Variants in NGFR observed in about 807,000 individuals in gnomAD.
The protein encoded by NGFR is nerve growth factor receptor.
Under a neutral mutation model 43.2 loss-of-function variants are expected in NGFR, and 30 were observed. The observed-to-expected ratio is 0.69, with a 90% CI of 0.52 to 0.94. The LOEUF (loss-of-function observed/expected upper bound fraction) is 0.94. Ranked by LOEUF, NGFR falls within the 40% of genes least tolerant of loss-of-function variation. NGFR has a pLI of 0.00. For missense variants in NGFR, 529 were observed against 602.5 expected, an observed-to-expected ratio of 0.88 and a Z score of 1.28; for synonymous variants, 246 against 259.6, an observed-to-expected ratio of 0.95 and a Z score of 0.50.
At chr17:49,500,555 G>A (rs950636976) in intron 1 of NGFR, among the ~76,000 whole-genome samples, 1 of 152,170 alleles carries the variant, frequency 6.6e-6, no homozygotes, top group African/African-American at 2.4e-5. Context: ...GGGTGCAACA[G>A]GACCACTTCC....
At chr17:49,497,171 G>T (rs935491928) in intron 1 of NGFR, 2 of 152,296 alleles carry the variant, frequency 1.3e-5, no homozygotes, top group Non-Finnish European at 2.9e-5. Flanking sequence ...AGCAGGGCGG[G>T]GGGGGTTGAC....
At chr17:49,511,523 T>TG (rs1439632590) in intron 4 of NGFR, among the ~76,000 whole-genome samples, 2 of 152,072 alleles carry the variant, frequency 1.3e-5, no homozygotes, top group African/African-American at 2.4e-5. Context: ...ACATTTGTTT[T>TG]TTTTTTTTTT....
chr17:49,501,400 C>T (rs1010900348), intron 1 of NGFR, among the ~76,000 whole-genome samples: 3 of 152,230 alleles, frequency 2.0e-5, no homozygotes, highest in African/African-American at 7.2e-5. Context: ...AGGCTGTTGC[C>T]ATCTCTGTAG....
chr17:49,502,906 T>TTTCCTTTCC (rs1179448207), intron 2 of NGFR, among the ~76,000 whole-genome samples: 1 of 149,756 alleles, frequency 6.7e-6, no homozygotes, highest in Non-Finnish European at 1.5e-5. Context: ...CTTTCCTTTC[T>TTTCCTTTCC]TTCCTTTCCT....
Position 49,513,094 on chromosome 17 carries a change from T to A in NGFR, c.*85T>A. 7.3e-7 allele frequency: 1 copy of A among 1,369,994 alleles called. No individual in the cohort carries two copies. The highest frequency in any genetic ancestry group is 9.6e-7 in the Non-Finnish European group (1 of 1,038,752). The allele number at this position is 1,369,994 out of a possible 1,614,324, so 84.9% of individuals were successfully genotyped here. A position where few individuals can be genotyped will look rare whatever the true frequency, so the allele number is the denominator to read the frequency against. Reference sequence around the variant, plus strand: ...CCTGTGGAGCCCGCACCCCCACCCTTTGGGGGGGGCCCGCCTGGCAGAACT... The same window carrying A: ...CCTGTGGAGCCCGCACCCCCACCCTATGGGGGGGGCCCGCCTGGCAGAACT... On this transcript the variant is annotated 3_prime_UTR_variant, in exon 6 of 6. Transcript: ENST00000172229.
chr17:49,501,872 C>T (rs1236047990), intron 1 of NGFR, among the ~76,000 whole-genome samples, 191 bp from the exon 2 acceptor site: 1 of 152,224 alleles, frequency 6.6e-6, no homozygotes, highest in Non-Finnish European at 1.5e-5. Context: ...CCTGCACGGG[C>T]ACACTGTCCC....
chr17:49,498,711 C>T (rs1381509054), intron 1 of NGFR, among the ~76,000 whole-genome samples: 1 of 152,154 alleles, frequency 6.6e-6, no homozygotes, highest in East Asian at 1.9e-4. Context: ...AGATTACAAG[C>T]GTTCTTAAAA....
At position 49,512,324 on chromosome 17, in the gene NGFR, T is replaced by C. The variant is rs111662608; in HGVS notation, c.982+272T>C. 6.6e-6 allele frequency among the ~76,000 whole-genome samples: 1 copy of C among 152,198 alleles called. No individual in the cohort carries two copies. The highest frequency in any genetic ancestry group is 2.1e-4 in the South Asian group (1 of 4,834). ...GGGGCTAATTATTGCCCAAAGTAGCTGCAATTAGCCTCTTGCCCTGGACTT... is the reference window on the plus strand; with the variant it reads ...GGGGCTAATTATTGCCCAAAGTAGCCGCAATTAGCCTCTTGCCCTGGACTT... On this transcript the variant is annotated intron_variant, in intron 5 of 5. Coordinates refer to ENST00000172229, the MANE Select transcript of NGFR (RefSeq NM_002507.4). This position sits in a 1 kb window ranked among gnomAD's most constrained non-coding sequence, Gnocchi z 5.2.
rs2143455728 is a variant in NGFR, at chr17:49,514,958, C to CT, written c.*1951dup. On this transcript the variant is annotated 3_prime_UTR_variant, in exon 6 of 6. Coordinates refer to ENST00000172229, the MANE Select transcript of NGFR (RefSeq NM_002507.4). ...AATCATTTCTTGGGCCCTCCTGAAA[C>CT]TTACACACAAAACGTTAAGTGATGA... The CT allele has an allele frequency of 6.6e-6, 1 of 152,192 alleles. No individual in the cohort carries two copies. The highest frequency in any genetic ancestry group is 1.9e-4 in the East Asian group (1 of 5,170). 9.4% of individuals were successfully genotyped at this position (152,192 alleles called of 1,614,324 possible). A position where few individuals can be genotyped will look rare whatever the true frequency, so the allele number is the denominator to read the frequency against.
chr17:49,500,388 T>C (rs942033384), intron 1 of NGFR, among the ~76,000 whole-genome samples: 2 of 152,222 alleles, frequency 1.3e-5, no homozygotes, highest in Non-Finnish European at 2.9e-5. Flanking sequence ...CCCTACTGCA[T>C]GCCAGATACC....
In NGFR at chr17:49,503,121, T is replaced by C. The variant is rs865919558; in HGVS notation, c.208+917T>C. ...TTGTAGTAGAGATGGGGTTTTACCA[T>C]GTGGACCAGGCTGGTCTCAAACTTC... On this transcript the variant is annotated intron_variant, in intron 2 of 5. Coordinates refer to ENST00000172229, the MANE Select transcript of NGFR (RefSeq NM_002507.4). 9.1e-4 allele frequency among the ~76,000 whole-genome samples: 138 copies of C among 152,234 alleles called. 2 individuals carry two copies. The highest frequency in any genetic ancestry group is 3.4e-3 in the Middle Eastern group (1 of 294).
chr17:49,504,260 G>A (rs1198794113), intron 2 of NGFR, among the ~76,000 whole-genome samples: 1 of 152,184 alleles, frequency 6.6e-6, no homozygotes, highest in Non-Finnish European at 1.5e-5. Flanking sequence ...GTTTTGCCAT[G>A]AGCAGGCTTC....
chr17:49,510,692 A>T, intron 4 of NGFR, 28 bp downstream of exon 4: 1 of 1,605,386 alleles, frequency 6.2e-7, no homozygotes, highest in Non-Finnish European at 8.5e-7. Flanking sequence ...GGCGACAGAG[A>T]GGGGAGATGT....
At chr17:49,502,557 A>AG (rs2071173048) in intron 2 of NGFR, among the ~76,000 whole-genome samples, 2 of 152,306 alleles carry the variant, frequency 1.3e-5, no homozygotes, top group East Asian at 3.9e-4. Context: ...TGCAAAATCA[A>AG]TGGCTGCCAC....
rs2071226012 is a variant in NGFR, at chr17:49,510,672, AGGGCACGG to A, written c.821+9_821+16del. 1.2e-6 allele frequency: 2 copies of A among 1,608,850 alleles called. No homozygotes were observed. The highest frequency in any genetic ancestry group is 1.7e-6 in the Non-Finnish European group (2 of 1,175,684). On this transcript the variant is annotated intron_variant, in intron 4 of 5. Transcript: ENST00000172229. ...CTACATAGCCTTCAAGAGGTAAGAG[AGGGCACGG>A]TGGCGACAGAGAGGGGAGATGTTTG... is the stretch of plus-strand genomic sequence containing the variant.
chr17:49,512,655 T>C lies in NGFR; in HGVS notation c.983-53T>C. The C allele has an allele frequency of 2.0e-6, 3 of 1,523,332 alleles. No individual in the cohort carries two copies. Among genetic ancestry groups the C allele is most frequent in the Non-Finnish European group, 2.6e-6 (3 of 1,132,832 alleles). The allele number at this position is 1,523,332 out of a possible 1,614,324, so 94.4% of individuals were successfully genotyped here. ...TTGGGTCTCACCCCAGTGCCCACTGTTGGGGAAAGGAGTTCAGGGGTAGGA... is the reference window on the plus strand; with the variant it reads ...TTGGGTCTCACCCCAGTGCCCACTGCTGGGGAAAGGAGTTCAGGGGTAGGA... On this transcript the variant is annotated intron_variant, in intron 5 of 5. Transcript: ENST00000172229. The surrounding 1 kb of genome is among the most constrained non-coding windows in gnomAD (Gnocchi z 5.2).
At chr17:49,510,732 T>A (rs535829865) in intron 4 of NGFR, 68 bp downstream of exon 4, 1 of 1,582,254 alleles carries the variant, frequency 6.3e-7, no homozygotes, top group Non-Finnish European at 8.6e-7. Context: ...TGCTGTGACC[T>A]TGACCTGAAA....
chr17:49,502,018 C>CCCCCCCAGG, intron 1 of NGFR, 45 bp from the exon 2 acceptor site: 1 of 1,320,360 alleles, frequency 7.6e-7, no homozygotes, highest in Non-Finnish European at 1.0e-6. Flanking sequence ...CAACCCACCC[C>CCCCCCCAGG]AGCTTTCTCT....
At chr17:49,500,577 A>T (rs1744827691) in intron 1 of NGFR, among the ~76,000 whole-genome samples, 1 of 152,200 alleles carries the variant, frequency 6.6e-6, no homozygotes, top group African/African-American at 2.4e-5. Context: ...TGAGGAAGTG[A>T]CATTTAAGCA....
Sources: gnomAD v4.1 joint callset for allele counts (sites outside exome capture counted in the v4.1 genomes callset) on GRCh38, gnomAD v4.1.1 for gene constraint, Gnocchi (gnomAD v3.1) non-coding constraint, MANE v1.5 for transcripts, NCBI Gene and HGNC (gene_info 2026-07-23, HGNC 2026-07-21) for gene names.